GALNT14: variants seen among roughly 807,000 people sequenced by gnomAD.
GALNT14 encodes the protein UDP-GalNAc:polypeptide N-acetylgalactosaminyltransferase 14.
Under a neutral mutation model 77.5 loss-of-function variants are expected in GALNT14, and 60 were observed. That is an observed-to-expected ratio of 0.77 (90% CI 0.63 to 0.96). The LOEUF (loss-of-function observed/expected upper bound fraction) is 0.96, where lower values mean the gene tolerates loss of function less well. Among genes scored for constraint, GALNT14 ranks in the 40% least tolerant of loss-of-function variants. GALNT14 has a pLI of 0.00. For missense variants in GALNT14, 710 were observed against 731.0 expected (o/e 0.97, Z 0.33); for synonymous variants, 280 against 281.7 (o/e 0.99, Z 0.06).
At chr2:30,979,296 G>T (rs981257644) in intron 2 of GALNT14, among the ~76,000 whole-genome samples, 1 of 152,226 alleles carries the variant, frequency 6.6e-6, no homozygotes, top group African/African-American at 2.4e-5. Flanking sequence ...GGGAGTGGGG[G>T]GAGAGCAGGA....
At chr2:30,916,222 G>A (rs975301869) in intron 13 of GALNT14, among the ~76,000 whole-genome samples, 2 of 152,198 alleles carry the variant, frequency 1.3e-5, no homozygotes, top group East Asian at 1.9e-4. Context: ...ACACTCACAC[G>A]TAGACAAACA....
At chr2:31,002,867 G>A (rs559385164) in intron 1 of GALNT14, among the ~76,000 whole-genome samples, 5 of 152,286 alleles carry the variant, frequency 3.3e-5, no homozygotes, top group Non-Finnish European at 7.4e-5. Context: ...AAAGGAAAGA[G>A]CTGGAAAATC....
At chr2:31,077,858 G>C (rs1043454353) in intron 1 of GALNT14, among the ~76,000 whole-genome samples, 8 of 152,318 alleles carry the variant, frequency 5.3e-5, no homozygotes, top group African/African-American at 1.7e-4. Flanking sequence ...TCACAGTCTA[G>C]GTTAAAAGGC....
At chr2:31,103,621 A>G (rs539942110) in intron 1 of GALNT14, among the ~76,000 whole-genome samples, 41 of 152,228 alleles carry the variant, frequency 2.7e-4, no homozygotes, top group Admixed American at 2.3e-3. Flanking sequence ...ATTAAGTATA[A>G]TTATGCTTAT....
chr2:30,944,228 A>G (rs1666551517), intron 8 of GALNT14, among the ~76,000 whole-genome samples: 1 of 152,072 alleles, frequency 6.6e-6, no homozygotes, highest in Admixed American at 6.5e-5. Flanking sequence ...GGTGACCACT[A>G]TGCTCTACTC....
intron 9 of GALNT14, among the ~76,000 whole-genome samples, chr2:30,940,311 C>T (rs1342361826): frequency 6.6e-6 from 1 of 152,128 alleles, no homozygotes; most frequent in Non-Finnish European, 1.5e-5. Flanking sequence ...GCTACCAATA[C>T]CAAAATGGAC....
At chr2:30,997,601 T>C (rs1178421226) in intron 1 of GALNT14, among the ~76,000 whole-genome samples, 1 of 152,220 alleles carries the variant, frequency 6.6e-6, no homozygotes, top group Non-Finnish European at 1.5e-5. Context: ...CCCGCTTCAC[T>C]TTCTGACTAG....
intron 11 of GALNT14, 61 bp downstream of exon 11, chr2:30,929,333 TC>T: frequency 6.0e-6 from 8 of 1,324,924 alleles, no homozygotes; most frequent in Non-Finnish European, 8.6e-6. Flanking sequence ...CCCATTTGCA[TC>T]GGTCCTAGGA....
chr2:30,998,860 C>T (rs189232848), intron 1 of GALNT14, among the ~76,000 whole-genome samples: 300 of 152,338 alleles, frequency 2.0e-3, no homozygotes, highest in Admixed American at 3.9e-3. Context: ...TTCAAAGACT[C>T]ACTATCTGTG....
chr2:31,137,837 T>A, intron 1 of GALNT14, 121 bp downstream of exon 1: 1 of 1,312,088 alleles, frequency 7.6e-7, no homozygotes, highest in African/African-American at 1.5e-5. Flanking sequence ...CGGCGGCTGT[T>A]ACCTGCTCGC....
At chr2:31,051,441 C>T (rs935190765) in intron 1 of GALNT14, among the ~76,000 whole-genome samples, 2 of 151,964 alleles carry the variant, frequency 1.3e-5, no homozygotes, top group Admixed American at 1.3e-4. Flanking sequence ...AGGAAAATTG[C>T]CTCAAGGCTG....
downstream of GALNT14, among the ~76,000 whole-genome samples, chr2:30,908,407 A>G (rs1664202328): frequency 6.7e-6 from 1 of 148,774 alleles, no homozygotes; most frequent in South Asian, 2.1e-4. Flanking sequence ...ATTCTTATAC[A>G]CCAATAACAG....
intron 1 of GALNT14, among the ~76,000 whole-genome samples, chr2:31,058,929 C>A (rs561424938): frequency 2.0e-4 from 30 of 152,266 alleles, no homozygotes; most frequent in African/African-American, 5.5e-4. Flanking sequence ...ATAGCAGATA[C>A]AAATGGCTCA....
intron 9 of GALNT14, among the ~76,000 whole-genome samples, chr2:30,936,157 C>T (rs1405772360): frequency 2.6e-5 from 4 of 152,190 alleles, no homozygotes; most frequent in East Asian, 1.9e-4. Flanking sequence ...TATTTGAGAG[C>T]GAATTGCCCT....
In GALNT14 at chr2:30,934,139, G is replaced by A. The variant is rs546245142; in HGVS notation, c.932-1945C>T. Among the ~76,000 whole-genome samples the A allele has an allele frequency of 2.6e-3, 389 of 152,298 alleles. 2 individuals are homozygous for A. Among genetic ancestry groups the A allele is most frequent in the African/African-American group, 8.9e-3 (369 of 41,556 alleles). On this transcript the variant is annotated intron_variant, in intron 9 of 14. Coordinates refer to ENST00000349752, the MANE Select transcript of GALNT14 (RefSeq NM_024572.4). ...CACTGTACAGAGGGAGTTGGCATTTGGCTGGGGCACTGTTTGAATCGTTTT... is the reference window on the plus strand; with the variant it reads ...CACTGTACAGAGGGAGTTGGCATTTAGCTGGGGCACTGTTTGAATCGTTTT...
intron 9 of GALNT14, among the ~76,000 whole-genome samples, chr2:30,940,937 A>G (rs1381100324): frequency 6.6e-6 from 1 of 152,178 alleles, no homozygotes; most frequent in Admixed American, 6.5e-5. Flanking sequence ...TTTCTGATGC[A>G]TTTCTCTACA....
rs145922148 is a variant in GALNT14 at position 30,949,849 on chromosome 2, T to C, written c.655-3979A>G. 7.6e-4 allele frequency among the ~76,000 whole-genome samples: 115 copies of C among 152,206 alleles called. 2 individuals carry two copies. The East Asian group carries it at 0.019, about 25-fold the overall frequency. On this transcript the variant is annotated intron_variant, in intron 6 of 14. Coordinates refer to ENST00000349752, the MANE Select transcript of GALNT14 (RefSeq NM_024572.4). Reference sequence around the variant, plus strand: ...TGAGTAGATGGTTCTGATGTGGGTATAGATACACAGCCTAGGGGCCTCTAA... The same window carrying C: ...TGAGTAGATGGTTCTGATGTGGGTACAGATACACAGCCTAGGGGCCTCTAA...
At chr2:30,901,961 C>T in the GALNT14 span, among the ~76,000 whole-genome samples, 1 of 152,102 alleles carries the variant, frequency 6.6e-6, no homozygotes, top group Non-Finnish European at 1.5e-5. Flanking sequence ...TAGCATTTGA[C>T]AAACTTTCAC....
chr2:31,098,895 G>A (rs953501319), intron 1 of GALNT14, among the ~76,000 whole-genome samples: 2 of 152,044 alleles, frequency 1.3e-5, no homozygotes, highest in Non-Finnish European at 2.9e-5. Flanking sequence ...TTCAGTAAGC[G>A]GAAGAGGATC....
Sources: allele counts gnomAD v4.1 joint callset (sites outside exome capture counted in the v4.1 genomes callset), GRCh38; gene constraint gnomAD v4.1.1; transcripts MANE v1.5; gene names NCBI Gene and HGNC (gene_info 2026-07-23, HGNC 2026-07-21).